SLC5A10: variants seen among roughly 807,000 people sequenced by gnomAD.
SLC5A10 encodes the protein sodium/mannose cotransporter SLC5A10.
A neutral mutation model predicts 68.9 loss-of-function variants in SLC5A10; 55 were observed. The ratio of observed to expected loss-of-function variants is 0.80; its 90% CI spans 0.64 to 1.00. The LOEUF is 1.00. SLC5A10 is among the 50% of genes least tolerant of loss of function. The pLI is 0.00. For synonymous variants in SLC5A10, 344 were observed against 344.8 expected, an observed-to-expected ratio of 1.00 and a Z score of 0.02; for missense variants, 732 against 819.3, an observed-to-expected ratio of 0.89 and a Z score of 1.30.
In SLC5A10 at chr17:19,015,197, A is replaced by ACGGTCCGGGGGGGGGGGC; in HGVS notation, c.1241+2_1241+3insCCGGGGGGGGGGGCCGGT. On this transcript the variant is annotated inframe_insertion and splice_region_variant, in exon 11 of 15. Coordinates refer to ENST00000395645, the MANE Select transcript of SLC5A10 (RefSeq NM_001042450.4). ...GCGAGCGGGAGCTCCTGCTGGTGGG[A>ACGGTCCGGGGGGGGGGGC]CGGTACGGGGGTGGGGGCCAGTACG... The ACGGTCCGGGGGGGGGGGC allele has an allele frequency of 1.1e-6, 1 of 907,520 alleles. No homozygotes were observed. The highest frequency in any genetic ancestry group is 1.7e-6 in the Non-Finnish European group (1 of 594,040). The allele number at this position is 907,520 out of a possible 1,614,324, so 56.2% of individuals were successfully genotyped here. A position where few individuals can be genotyped will look rare whatever the true frequency, so the allele number is the denominator to read the frequency against.
chr17:18,962,637 G>C (rs1406611101), intron 5 of SLC5A10, among the ~76,000 whole-genome samples: 1 of 152,160 alleles, frequency 6.6e-6, no homozygotes, highest in Non-Finnish European at 1.5e-5. Context: ...CCCAGGTGGA[G>C]CGGGGGTGGT....
In SLC5A10 at chr17:19,004,073, G is replaced by A. The variant is rs568408635; in HGVS notation, c.983-9337G>A. 24 of 1,553,362 alleles carry A rather than the reference G, an allele frequency of 1.5e-5. No homozygotes were observed. The highest frequency in any genetic ancestry group is 4.2e-4 in the Middle Eastern group (2 of 4,774). On this transcript the variant is annotated intron_variant, in intron 9 of 14. Transcript: ENST00000395645. This position sits in a 1 kb window ranked among gnomAD's most constrained non-coding sequence, Gnocchi z 5.4. The stretch of plus-strand genomic sequence containing the variant: ...GCCTGCCCGGGCACTGCTGCCGGGG[G>A]TGGGTGGGCAAGGTCCAGCTCCTAG...
intron 9 of SLC5A10, among the ~76,000 whole-genome samples, chr17:18,994,456 C>T (rs2043512767): frequency 6.6e-6 from 1 of 152,084 alleles, no homozygotes; most frequent in Non-Finnish European, 1.5e-5. Flanking sequence ...AGAGTGAACT[C>T]CAGAGACCTG....
rs139582120 is a variant in SLC5A10 at position 18,971,164 on chromosome 17, C to T, written c.792C>T (p.Thr264=). The part of the protein sequence containing the change: ...RDPHTGDLPW[T]GMTFGLTIMA... ...CCCACACAGGGGACCTGCCGTGGAC[C>T]GGGATGACCTTTGGCCTGACCATCA... Residue 264 remains threonine (T), a synonymous_variant, in exon 8 of 15, where the codon ACC becomes ACT. Coordinates refer to ENST00000395645, the MANE Select transcript of SLC5A10 (RefSeq NM_001042450.4). The surrounding 1 kb of genome is among the most constrained non-coding windows in gnomAD (Gnocchi z 5.5). 2.0e-3 allele frequency: 3,209 copies of T among 1,614,088 alleles called. 9 individuals carry two copies. The highest frequency in any genetic ancestry group is 2.4e-3 in the Non-Finnish European group (2,887 of 1,180,042).
At chr17:18,962,779 C>T (rs2151995147) in intron 5 of SLC5A10, among the ~76,000 whole-genome samples, 1 of 152,194 alleles carries the variant, frequency 6.6e-6, no homozygotes, top group Non-Finnish European at 1.5e-5. Flanking sequence ...TGAGGAGGCC[C>T]CAGGTAGGTC....
At position 18,958,596 on chromosome 17, in the gene SLC5A10, T is replaced by C; in HGVS notation, c.112-86T>C. The C allele has an allele frequency of 3.4e-6, 4 of 1,166,862 alleles. 1 individual carries two copies. The South Asian group carries it at 5.1e-5, about 15-fold the overall frequency. The allele number at this position is 1,166,862 out of a possible 1,614,324, so 72.3% of individuals were successfully genotyped here. A position where few individuals can be genotyped will look rare whatever the true frequency, so the allele number is the denominator to read the frequency against. On this transcript the variant is annotated intron_variant, in intron 1 of 14. Transcript: ENST00000395645. ...ATATGGTGATTCTATGCGTAACCTT[T>C]TGAGGAGCTGCCAAGCCGTTTCCCA...
chr17:18,952,067 A>C (rs1415663264), upstream of SLC5A10: 17 of 1,381,168 alleles, frequency 1.2e-5, no homozygotes, highest in Non-Finnish European at 1.6e-5. Flanking sequence ...GCTGCCCTGC[A>C]TGCAGCCACA....
intron 3 of SLC5A10, 65 bp from the exon 4 acceptor site, chr17:18,959,539 C>G: frequency 6.4e-7 from 1 of 1,559,024 alleles, no homozygotes; most frequent in Non-Finnish European, 8.8e-7. Flanking sequence ...GCCATGTCTG[C>G]TTTGTCTCTG....
intron 5 of SLC5A10, among the ~76,000 whole-genome samples, chr17:18,961,810 C>G (rs903828767): frequency 6.6e-6 from 1 of 152,146 alleles, no homozygotes; most frequent in Admixed American, 6.5e-5. Context: ...GGGGCATCCC[C>G]TCGGCAGCCT....
At chr17:18,995,909 A>AT (rs2043558288) in intron 9 of SLC5A10, among the ~76,000 whole-genome samples, 1 of 143,850 alleles carries the variant, frequency 7.0e-6, no homozygotes, top group East Asian at 2.1e-4. Flanking sequence ...CTCTGTCTCA[A>AT]TTAAAAAAAA....
intron 9 of SLC5A10, among the ~76,000 whole-genome samples, chr17:19,008,882 G>A (rs1001987840): frequency 6.7e-6 from 1 of 149,796 alleles, no homozygotes; most frequent in Non-Finnish European, 1.5e-5. Context: ...GCCTGATCTC[G>A]GCTCACTGCA....
chr17:19,015,031 T>A lies in SLC5A10; in HGVS notation c.1091-18T>A, dbSNP rs200919853. 6.2e-7 allele frequency: 1 copy of A among 1,609,164 alleles called. No homozygotes were observed. The highest frequency in any genetic ancestry group is 8.5e-7 in the Non-Finnish European group (1 of 1,176,448). On this transcript the variant is annotated intron_variant, in intron 10 of 14. Transcript: ENST00000395645. ...TCTCAAGGCCGGACAGGGTCACACA[T>A]CCCCCGTCCCACCCCAGGTCTGCGG...
intron 5 of SLC5A10, 27 bp from the exon 6 acceptor site, chr17:18,969,025 C>G (rs749769587): frequency 1.3e-6 from 2 of 1,599,716 alleles, no homozygotes; most frequent in Non-Finnish European, 1.7e-6. Context: ...GAATAACAGT[C>G]CCACACAAGG....
At chr17:18,984,106 GC>G (rs1246781677) in intron 9 of SLC5A10, among the ~76,000 whole-genome samples, 6 of 152,144 alleles carry the variant, frequency 3.9e-5, no homozygotes, top group African/African-American at 1.4e-4. Flanking sequence ...ACTTTGGGAG[GC>G]CGAGGCGGGC....
chr17:18,963,769 A>G (rs1385146311), intron 5 of SLC5A10, among the ~76,000 whole-genome samples: 2 of 152,160 alleles, frequency 1.3e-5, no homozygotes, highest in Non-Finnish European at 2.9e-5. Flanking sequence ...CTGGAGAATC[A>G]CCACCCTGAC....
intron 1 of SLC5A10, among the ~76,000 whole-genome samples, chr17:18,952,810 G>A (rs778789201): frequency 6.6e-5 from 10 of 152,144 alleles, no homozygotes; most frequent in Non-Finnish European, 1.3e-4. Flanking sequence ...ATCATAAGCC[G>A]GTTCTTTCTC....
At chr17:18,981,363 G>A (rs1192118687) in intron 9 of SLC5A10, among the ~76,000 whole-genome samples, 1 of 152,144 alleles carries the variant, frequency 6.6e-6, no homozygotes, top group Non-Finnish European at 1.5e-5. Flanking sequence ...GCAGGGGCGG[G>A]CTCCTGGTAA....
chr17:18,977,843 C>T (rs754522335), intron 9 of SLC5A10: 11 of 1,610,666 alleles, frequency 6.8e-6, no homozygotes, highest in South Asian at 3.3e-5. Context: ...CACTGAGGGC[C>T]GTCGGGGGCC....
rs2043565456 is a variant in SLC5A10, at chr17:18,996,114, A to G, written c.983-17296A>G. Reference sequence around the variant, plus strand: ...CACTGCAAGCCACAAGACAACAGGCAATATCTTTAAAGTACTAAATGGAAA... The same window carrying G: ...CACTGCAAGCCACAAGACAACAGGCGATATCTTTAAAGTACTAAATGGAAA... On this transcript the variant is annotated intron_variant, in intron 9 of 14. Transcript: ENST00000395645. This position sits in a 1 kb window ranked among gnomAD's most constrained non-coding sequence, Gnocchi z 4.4. Among the ~76,000 whole-genome samples, 1 of 150,960 alleles carries G rather than the reference A, an allele frequency of 6.6e-6. No individual in the cohort carries two copies. The highest frequency in any genetic ancestry group is 2.2e-4 in the South Asian group (1 of 4,578).
Sources: allele counts gnomAD v4.1 joint callset (sites outside exome capture counted in the v4.1 genomes callset), GRCh38; gene constraint gnomAD v4.1.1; non-coding constraint Gnocchi (gnomAD v3.1); transcripts MANE v1.5; gene names NCBI Gene and HGNC (gene_info 2026-07-23, HGNC 2026-07-21).